XG: variants seen among roughly 807,000 people sequenced by gnomAD.
XG encodes the protein glycoprotein Xg.
A neutral mutation model predicts 25.7 loss-of-function variants in XG; 24 were observed. The observed-to-expected ratio is 0.93, with a 90% confidence interval of 0.68 to 1.31. The LOEUF (loss-of-function observed/expected upper bound fraction) is 1.31. XG is among the 40% of genes most tolerant of loss of function. The probability of loss-of-function intolerance (pLI) is 0.00; values close to 1 mark genes in which losing one functional copy is unlikely to be tolerated. For synonymous variants in XG, 77 were observed against 69.2 expected, an observed-to-expected ratio of 1.11 and a Z score of -0.56; for missense variants, 181 against 187.6, an observed-to-expected ratio of 0.96 and a Z score of 0.21.
chrX:2,765,216 G>A (rs1479584016), intron 1 of XG, among the ~76,000 whole-genome samples: 1 of 151,416 alleles, frequency 6.6e-6, no homozygotes, highest in Non-Finnish European at 1.5e-5. Flanking sequence ...GCATAGTAGG[G>A]GGCGCCTGTA....
chrX:2,804,852 AGGTAGCCCTGTGGTCCTT>A, intron 7 of XG, among the ~76,000 whole-genome samples: 1 of 112,064 alleles, frequency 8.9e-6, no homozygotes, highest in East Asian at 2.8e-4. Context: ...AGAAAATAGC[AGGTAGCCCTGTGGTCCTT>A]GGCAGGGCCA....
chrX:2,766,861 A>G (rs311141), intron 1 of XG, among the ~76,000 whole-genome samples: 3,410 of 152,118 alleles, frequency 0.022, 117 homozygotes, highest in African/African-American at 0.078. Context: ...CACCGCGCCC[A>G]GCCTGTGCCA....
intron 1 of XG, among the ~76,000 whole-genome samples, chrX:2,761,522 G>T (rs773499487): frequency 6.6e-6 from 1 of 152,090 alleles, no homozygotes; most frequent in Non-Finnish European, 1.5e-5. Flanking sequence ...GGATGACCAC[G>T]TGGGGACACA....
At chrX:2,794,272 G>A (rs372046461) in intron 5 of XG, among the ~76,000 whole-genome samples, 1 of 112,153 alleles carries the variant, frequency 8.9e-6, no homozygotes, top group East Asian at 2.8e-4. Context: ...GGCCCTGGGA[G>A]GGCTTTGAGC....
chrX:2,763,807 G>A (rs368028564), intron 1 of XG, among the ~76,000 whole-genome samples: 3 of 152,120 alleles, frequency 2.0e-5, no homozygotes, highest in East Asian at 3.8e-4. Flanking sequence ...TAAATAGCTC[G>A]GAATAAACGC....
chrX:2,794,692 A>G, intron 6 of XG, 89 bp downstream of exon 6: 1 of 1,022,156 alleles, frequency 9.8e-7, no homozygotes, highest in Non-Finnish European at 1.3e-6. Context: ...GAGAGAGCTG[A>G]GGTTGGGGCA....
intron 1 of XG, among the ~76,000 whole-genome samples, chrX:2,762,146 G>T (rs184494450): frequency 6.6e-6 from 1 of 152,146 alleles, no homozygotes; most frequent in African/African-American, 2.4e-5. Context: ...ATGGTCTGCG[G>T]TATTTTCCTC....
chrX:2,792,852 CTG>C (rs768202657), intron 5 of XG, among the ~76,000 whole-genome samples: 6 of 111,059 alleles, frequency 5.4e-5, no homozygotes, highest in Non-Finnish European at 1.1e-4. Context: ...TCTGGAGAGT[CTG>C]TGCTGAGGGA....
chrX:2,766,014 G>A (rs988960936), intron 1 of XG, among the ~76,000 whole-genome samples: 4 of 152,230 alleles, frequency 2.6e-5, no homozygotes, highest in Non-Finnish European at 5.9e-5. Context: ...CTATATTTAT[G>A]CTTTGGTTCA....
At chrX:2,811,308 T>G in intron 9 of XG, 28 bp from the exon 10 acceptor site, 356 of 1,135,390 alleles carry the variant, frequency 3.1e-4, no homozygotes, top group Non-Finnish European at 3.9e-4. Flanking sequence ...TTTTCTCGGA[T>G]GAGCTTGCTT....
intron 9 of XG, among the ~76,000 whole-genome samples, chrX:2,810,133 C>T (rs2087040706): frequency 8.9e-6 from 1 of 112,042 alleles, no homozygotes; most frequent in Non-Finnish European, 1.9e-5. Context: ...CACTCTTCCC[C>T]CCAGCATGGC....
intron 1 of XG, among the ~76,000 whole-genome samples, chrX:2,764,158 A>G (rs2050625259): frequency 6.6e-6 from 1 of 152,176 alleles, no homozygotes. Flanking sequence ...CAGCACCATG[A>G]CAGTTTACAA....
chrX:2,766,200 G>GCA (rs2050682333), intron 1 of XG, among the ~76,000 whole-genome samples: 3 of 152,154 alleles, frequency 2.0e-5, no homozygotes, highest in African/African-American at 7.2e-5. Flanking sequence ...GAGTGCAGTG[G>GCA]CACAGTCTTG....
At chrX:2,780,468 A>ACCTGTCATC (rs1420790602) in intron 3 of XG, among the ~76,000 whole-genome samples, 2 of 147,680 alleles carry the variant, frequency 1.4e-5, no homozygotes, top group Non-Finnish European at 3.0e-5. Context: ...GGTGGCTCAC[A>ACCTGTCATC]CCTGTCATCC....
At chrX:2,775,772 A>T (rs2050967373) in intron 3 of XG, among the ~76,000 whole-genome samples, 1 of 151,814 alleles carries the variant, frequency 6.6e-6, no homozygotes, top group Non-Finnish European at 1.5e-5. Context: ...CCTGGCCAAC[A>T]TGGTGAAACC....
At position 2,765,491 on chromosome X, in the gene XG, G is replaced by C. The variant is rs191901913; in HGVS notation, c.62-5059G>C. On this transcript the variant is annotated intron_variant, in intron 1 of 10. Coordinates refer to ENST00000644266, the MANE Select transcript of XG (RefSeq NM_001141919.2). ...CATTGGATTGAATAATGAAACAGAA[G>C]AGCCTGTCTGAATTTACTAATGTGG... is the stretch of plus-strand genomic sequence containing the variant. Among the ~76,000 whole-genome samples, 397 of 152,306 alleles carry C rather than the reference G, an allele frequency of 2.6e-3. 4 individuals carry two copies. The highest frequency in any genetic ancestry group is 9.1e-3 in the African/African-American group (379 of 41,566).
chrX:2,754,581 G>A (rs985581879), intron 1 of XG, among the ~76,000 whole-genome samples: 2 of 150,384 alleles, frequency 1.3e-5, no homozygotes, highest in Non-Finnish European at 3.0e-5. Context: ...ATAGAGAGAG[G>A]AGTTTATTAA....
At chrX:2,798,875 TTTC>T (rs2086910050) in intron 7 of XG, among the ~76,000 whole-genome samples, 1 of 104,481 alleles carries the variant, frequency 9.6e-6, no homozygotes, top group Admixed American at 1.0e-4. Flanking sequence ...AGTACTTTTT[TTTC>T]TTTTTCTTTC....
At chrX:2,771,133 C>T (rs1459226679) in intron 2 of XG, among the ~76,000 whole-genome samples, 2 of 152,138 alleles carry the variant, frequency 1.3e-5, no homozygotes, top group Admixed American at 6.5e-5. Flanking sequence ...GGATTACAGA[C>T]GTGCCTCAAC....
Sources: allele counts gnomAD v4.1 joint callset (sites outside exome capture counted in the v4.1 genomes callset), GRCh38; gene constraint gnomAD v4.1.1; transcripts MANE v1.5; gene names NCBI Gene and HGNC (gene_info 2026-07-23, HGNC 2026-07-21).